CRPPA: variants seen among roughly 807,000 people sequenced by gnomAD.
CRPPA encodes the protein CDP-L-ribitol pyrophosphorylase A, also known as D-ribitol-5-phosphate cytidylyltransferase.
CRPPA carries 43 observed loss-of-function variants against 52.0 expected under a neutral mutation model. The ratio of observed to expected loss-of-function variants is 0.83; its 90% confidence interval spans 0.65 to 1.07. The LOEUF (loss-of-function observed/expected upper bound fraction) is 1.07. Ranked by LOEUF, CRPPA falls within the 50% of genes least tolerant of loss-of-function variation. CRPPA has a pLI of 0.00. For missense variants in CRPPA, 629 were observed against 551.7 expected (o/e 1.14, Z -1.40); for synonymous variants, 250 against 203.5 (o/e 1.23, Z -1.94).
chr7:16,346,171 G>C (rs908818747), intron 3 of CRPPA, among the ~76,000 whole-genome samples: 1 of 152,086 alleles, frequency 6.6e-6, no homozygotes, highest in Non-Finnish European at 1.5e-5. Flanking sequence ...TCAGCCCTGA[G>C]GATGACACAG....
intron 3 of CRPPA, among the ~76,000 whole-genome samples, chr7:16,359,471 A>T (rs929734764): frequency 6.6e-6 from 1 of 152,236 alleles, no homozygotes; most frequent in East Asian, 1.9e-4. Flanking sequence ...TGCTATATAC[A>T]TGTAGCCAGC....
At chr7:16,116,262 T>G (rs1362384688) in intron 9 of CRPPA, among the ~76,000 whole-genome samples, 4 of 152,324 alleles carry the variant, frequency 2.6e-5, no homozygotes, top group African/African-American at 7.2e-5. Context: ...TCAGTGGTAT[T>G]CTTGCCTAAA....
chr7:16,256,577 G>A (rs868432567), intron 8 of CRPPA, among the ~76,000 whole-genome samples: 3 of 152,258 alleles, frequency 2.0e-5, no homozygotes, highest in Middle Eastern at 3.4e-3. Flanking sequence ...GGAATACTAT[G>A]CAGCCATAAA....
chr7:16,376,834 T>C (rs1206046607), intron 2 of CRPPA, among the ~76,000 whole-genome samples: 1 of 152,232 alleles, frequency 6.6e-6, no homozygotes, highest in Non-Finnish European at 1.5e-5. Flanking sequence ...GTTCTCTCAA[T>C]AATAGTTGCA....
chr7:16,410,965 A>G (rs975574853), intron 1 of CRPPA, among the ~76,000 whole-genome samples: 2 of 152,198 alleles, frequency 1.3e-5, no homozygotes, highest in Non-Finnish European at 2.9e-5. Context: ...TTATACACGT[A>G]GAGTCCTAAG....
intron 1 of CRPPA, among the ~76,000 whole-genome samples, chr7:16,414,716 T>C (rs1255001999): frequency 6.6e-6 from 1 of 152,218 alleles, no homozygotes; most frequent in Admixed American, 6.5e-5. Flanking sequence ...TTCCCTTTAG[T>C]TTATAACCTG....
intron 9 of CRPPA, among the ~76,000 whole-genome samples, chr7:16,183,202 T>C (rs1224199665): frequency 6.6e-6 from 1 of 151,664 alleles, no homozygotes; most frequent in Non-Finnish European, 1.5e-5. Flanking sequence ...AGCAAAGGAG[T>C]AAATGAAAAG....
intron 1 of CRPPA, among the ~76,000 whole-genome samples, chr7:16,414,821 C>T (rs1397100201): frequency 6.6e-6 from 1 of 152,178 alleles, no homozygotes; most frequent in Admixed American, 6.5e-5. Context: ...GGGTCTAGTT[C>T]CCAGCATAAA....
intron 2 of CRPPA, among the ~76,000 whole-genome samples, chr7:16,387,581 C>G (rs997668482): frequency 1.3e-5 from 2 of 148,342 alleles, no homozygotes; most frequent in Non-Finnish European, 3.0e-5. Context: ...TTAAATCTAT[C>G]ACATGCTGTC....
At chr7:16,320,370 T>C (rs1027707219) in intron 3 of CRPPA, among the ~76,000 whole-genome samples, 3 of 152,138 alleles carry the variant, frequency 2.0e-5, no homozygotes, top group Non-Finnish European at 4.4e-5. Flanking sequence ...ACTGGAAAAC[T>C]TCTGAAAAAA....
intron 8 of CRPPA, among the ~76,000 whole-genome samples, chr7:16,239,665 G>C (rs17169363): frequency 0.077 from 11,583 of 149,970 alleles, 545 homozygotes; most frequent in East Asian, 0.18. Flanking sequence ...CTAGGGCTAC[G>C]ATCAATGTGA....
chr7:16,254,841 GA>G (rs1783587182), intron 8 of CRPPA, among the ~76,000 whole-genome samples: 1 of 147,758 alleles, frequency 6.8e-6, no homozygotes, highest in Non-Finnish European at 1.5e-5. Flanking sequence ...AAGAAAGAAA[GA>G]AAGAGAAAGA....
Position 16,334,419 on chromosome 7 carries a change from G to A in CRPPA, c.685-25792C>T, listed in dbSNP as rs561093955. 2.0e-5 allele frequency among the ~76,000 whole-genome samples: 3 copies of A among 152,286 alleles called. No individual in the cohort carries two copies. In the East Asian group the frequency reaches 5.8e-4, roughly 29 times the overall value. On this transcript the variant is annotated intron_variant, in intron 3 of 9. Transcript: ENST00000407010. ...AATCTGGACCCACCTAACCCTAGCTGCAGAGCTGTTACTCCAAACTTCAGT... is the reference window on the plus strand; with the variant it reads ...AATCTGGACCCACCTAACCCTAGCTACAGAGCTGTTACTCCAAACTTCAGT...
At chr7:16,418,996 T>C (rs1054709235) in intron 1 of CRPPA, among the ~76,000 whole-genome samples, 2 of 152,240 alleles carry the variant, frequency 1.3e-5, no homozygotes, top group African/African-American at 2.4e-5. Flanking sequence ...AGACCCATTG[T>C]GTCCCACAGA....
intron 9 of CRPPA, among the ~76,000 whole-genome samples, chr7:16,125,443 C>G (rs1226044350): frequency 6.6e-6 from 1 of 152,062 alleles, no homozygotes; most frequent in Non-Finnish European, 1.5e-5. Flanking sequence ...CTAAAAACAG[C>G]TTGTTTCTTT....
chr7:16,370,496 G>C (rs534827845), intron 3 of CRPPA, among the ~76,000 whole-genome samples: 91 of 152,236 alleles, frequency 6.0e-4, no homozygotes, highest in South Asian at 3.5e-3. Context: ...GCCCCACTGG[G>C]TGGCTAGACC....
At chr7:16,388,827 G>A (rs141866266) in intron 2 of CRPPA, among the ~76,000 whole-genome samples, 2,336 of 152,258 alleles carry the variant, frequency 0.015, 57 homozygotes, top group African/African-American at 0.049. Flanking sequence ...AGTGAGCTGA[G>A]ATGGCGCCAC....
chr7:16,274,360 T>A (rs1403787291), intron 6 of CRPPA, among the ~76,000 whole-genome samples: 1 of 152,198 alleles, frequency 6.6e-6, no homozygotes, highest in Admixed American at 6.5e-5. Flanking sequence ...TGTGGCTGTT[T>A]CTAAGAGAAA....
At position 16,087,943 on chromosome 7, in the gene CRPPA, CTG is replaced by C. The variant is rs1781730254; in HGVS notation, c.*3750_*3751del. 6.6e-6 allele frequency: 1 copy of C among 152,028 alleles called. No individual in the cohort carries two copies. The highest frequency in any genetic ancestry group is 1.5e-5 in the Non-Finnish European group (1 of 68,004). 9.4% of individuals were successfully genotyped at this position (152,028 alleles called of 1,614,324 possible). Reference sequence around the variant, plus strand: ...TAATTTGATTTTTATAAGATGATCACTGTATTTACATAAAGTTGAGTTATAAG... The same window carrying C: ...TAATTTGATTTTTATAAGATGATCACTATTTACATAAAGTTGAGTTATAAG... On this transcript the variant is annotated 3_prime_UTR_variant, in exon 10 of 10. Transcript: ENST00000407010.
Sources: allele counts gnomAD v4.1 joint callset (sites outside exome capture counted in the v4.1 genomes callset), GRCh38; gene constraint gnomAD v4.1.1; transcripts MANE v1.5; gene names NCBI Gene and HGNC (gene_info 2026-07-23, HGNC 2026-07-21).